KIF14: variants seen among roughly 807,000 people sequenced by gnomAD.
The protein encoded by KIF14 is kinesin family member 14, also known as kinesin-like protein KIF14.
In KIF14, 98 loss-of-function variants were observed where a neutral mutation model predicts 176.2. The ratio of observed to expected loss-of-function variants is 0.56; its 90% CI spans 0.47 to 0.66. The LOEUF is 0.66. Among genes scored for constraint, KIF14 ranks in the 30% least tolerant of loss-of-function variants. The pLI is 0.00. For missense variants in KIF14, 1,751 were observed against 1,920.4 expected (o/e 0.91, Z 1.65); for synonymous variants, 566 against 632.2 (o/e 0.90, Z 1.57).
intron 29 of KIF14, 71 bp from the exon 30 acceptor site, chr1:200,553,838 G>T: frequency 7.1e-7 from 1 of 1,400,700 alleles, no homozygotes; most frequent in Non-Finnish European, 9.7e-7. Context: ...GACTTTTATA[G>T]ACTCTAGATA....
rs1228144014 is a variant in KIF14 at position 200,552,172 on chromosome 1, T to C, written c.*1216A>G. On this transcript the variant is annotated 3_prime_UTR_variant, in exon 30 of 30. Coordinates refer to ENST00000367350, the MANE Select transcript of KIF14 (RefSeq NM_014875.3). ...TGAATTCTTCTTTTTTTTTCTTCTTTTTTTTTAAATGAATTATTCTTTAGG... is the reference window on the plus strand; with the variant it reads ...TGAATTCTTCTTTTTTTTTCTTCTTCTTTTTTAAATGAATTATTCTTTAGG... 1.3e-5 allele frequency: 2 copies of C among 152,134 alleles called. No individual in the cohort carries two copies. The highest frequency in any genetic ancestry group is 4.1e-4 in the South Asian group (2 of 4,822). 9.4% of individuals were successfully genotyped at this position (152,134 alleles called of 1,614,324 possible).
At chr1:200,584,142 C>T (rs1658610759) in intron 19 of KIF14, among the ~76,000 whole-genome samples, 1 of 146,150 alleles carries the variant, frequency 6.8e-6, no homozygotes, top group Non-Finnish European at 1.5e-5. Context: ...CACTTGAACC[C>T]GGGAGGCGGA....
rs759301000 is a variant in KIF14, at chr1:200,605,280, T to G, written c.1746+3A>C. The G allele has an allele frequency of 2.5e-6, 4 of 1,606,196 alleles. No individual in the cohort carries two copies. The highest frequency in any genetic ancestry group is 3.4e-6 in the Non-Finnish European group (4 of 1,174,338). On this transcript the variant is annotated splice_donor_region_variant and intron_variant, in intron 8 of 29. Coordinates refer to ENST00000367350, the MANE Select transcript of KIF14 (RefSeq NM_014875.3). ...AGAGATCGGGAACTTTTAAAAAAAA[T>G]ACCTTGGTCTGGGTCATCACCAGGG...
rs113878682 is a variant in KIF14, at chr1:200,617,021, G to A, written c.1112+591C>T. Among the ~76,000 whole-genome samples, 6 of 152,316 alleles carry A rather than the reference G, an allele frequency of 3.9e-5. 1 individual carries two copies. The highest frequency in any genetic ancestry group is 1.4e-4 in the African/African-American group (6 of 41,576). ...CTCGTTCTGTCGCCCAGGCTGGAGT[G>A]CAGTGGCCTGATGTCAGCTCAATGC... On this transcript the variant is annotated intron_variant, in intron 2 of 29. Coordinates refer to ENST00000367350, the MANE Select transcript of KIF14 (RefSeq NM_014875.3).
intron 18 of KIF14, among the ~76,000 whole-genome samples, chr1:200,586,451 ACGTTTTATTAAGC>A (rs1425987794): frequency 2.6e-5 from 4 of 152,200 alleles, no homozygotes; most frequent in Non-Finnish European, 5.9e-5. Flanking sequence ...ATTTTACAGT[ACGTTTTATTAAGC>A]CTATATAGTT....
chr1:200,616,371 T>C (rs1190112342), intron 2 of KIF14, among the ~76,000 whole-genome samples: 1 of 152,188 alleles, frequency 6.6e-6, no homozygotes, highest in Non-Finnish European at 1.5e-5. Context: ...CTTGGTCCCT[T>C]ACTAAGTTCA....
At chr1:200,575,489 TA>T (rs1342681138) in intron 22 of KIF14, 101 bp downstream of exon 22, 9 of 525,960 alleles carry the variant, frequency 1.7e-5, no homozygotes, top group South Asian at 1.2e-4. Context: ...ACGGTTCTTT[TA>T]AAATAGGAAA....
chr1:200,603,433 T>C, intron 9 of KIF14, 92 bp from the exon 10 acceptor site: 1 of 670,878 alleles, frequency 1.5e-6, no homozygotes, highest in Non-Finnish European at 2.6e-6. Context: ...ATATAATTAC[T>C]GAGTAAATAC....
Position 200,590,289 on chromosome 1 carries a change from T to C in KIF14, c.2814-17A>G. 3 of 1,606,076 alleles carry C rather than the reference T, an allele frequency of 1.9e-6. No individual in the cohort carries two copies. The highest frequency in any genetic ancestry group is 2.5e-6 in the Non-Finnish European group (3 of 1,176,586). On this transcript the variant is annotated splice_polypyrimidine_tract_variant and intron_variant, in intron 16 of 29. Transcript: ENST00000367350. ...GCTTCAAGTCTACAATGTAGCAAGA[T>C]GTTTATAGGGTACATGTTAAGAATT...
At position 200,617,692 on chromosome 1, in the gene KIF14, G is replaced by A. The variant is rs1475317435; in HGVS notation, c.1032C>T (p.Asn344=). ...TTAAGGGGTCTTTTCCTGCAGAGGTGTTCTGAACTACAGTTTCTTCTTCGG... is the reference window on the plus strand; with the variant it reads ...TTAAGGGGTCTTTTCCTGCAGAGGTATTCTGAACTACAGTTTCTTCTTCGG... ...ILPEEETVVQ[N]TSAGKDPLKV... Residue 344 remains asparagine (N), a synonymous_variant, in exon 2 of 30, where the codon AAC becomes AAT. Coordinates refer to ENST00000367350, the MANE Select transcript of KIF14 (RefSeq NM_014875.3). 6.2e-7 allele frequency: 1 copy of A among 1,614,160 alleles called. No individual in the cohort carries two copies. Among genetic ancestry groups the A allele is most frequent in the Non-Finnish European group, 8.5e-7 (1 of 1,180,014 alleles).
intron 14 of KIF14, among the ~76,000 whole-genome samples, chr1:200,594,368 CAAAAAA>C (rs371729211): frequency 7.7e-4 from 71 of 92,490 alleles, no homozygotes; most frequent in African/African-American, 2.4e-3. Context: ...CCCAAAAATT[CAAAAAA>C]AAAAAAAAAA....
chr1:200,583,082 A>C (rs2102660854), intron 19 of KIF14, among the ~76,000 whole-genome samples: 1 of 152,308 alleles, frequency 6.6e-6, no homozygotes. Flanking sequence ...AAAACTCTAC[A>C]GGACAAATCA....
Position 200,614,369 on chromosome 1 carries a change from TG to T in KIF14, c.1403del (p.Pro468GlnfsTer11). The T allele has an allele frequency of 6.2e-7, 1 of 1,609,298 alleles. No homozygotes were observed. The highest frequency in any genetic ancestry group is 8.5e-7 in the Non-Finnish European group (1 of 1,176,096). ...MGFSEEPGII[P>X]RFCEDLFSQV... ...GAGAAAAAAGATCTTCACAAAATCT[TG>T]GAATTATTCCTGGTTCTTCACTAAA... On this transcript the variant is annotated frameshift_variant, in exon 4 of 30. Transcript: ENST00000367350. LOFTEE classifies it high-confidence loss of function.
chr1:200,579,252 T>C (rs1658310282), intron 21 of KIF14, among the ~76,000 whole-genome samples: 1 of 152,044 alleles, frequency 6.6e-6, no homozygotes, highest in Non-Finnish European at 1.5e-5. Flanking sequence ...GAGGACTGCT[T>C]GAGGCCAGGA....
intron 21 of KIF14, among the ~76,000 whole-genome samples, chr1:200,579,653 C>T (rs1049781528): frequency 6.6e-6 from 1 of 151,820 alleles, no homozygotes; most frequent in Non-Finnish European, 1.5e-5. Context: ...AAACTGGTAA[C>T]ATTGGTAAAA....
chr1:200,598,559 T>C (rs142098720), intron 13 of KIF14, 138 bp from the exon 14 acceptor site: 9 of 548,964 alleles, frequency 1.6e-5, no homozygotes, highest in Non-Finnish European at 2.6e-5. Flanking sequence ...TTATTTATTT[T>C]TTTATTTTTA....
intron 21 of KIF14, among the ~76,000 whole-genome samples, chr1:200,578,190 CAA>C (rs1177103909): frequency 6.6e-6 from 1 of 152,060 alleles, no homozygotes; most frequent in Non-Finnish European, 1.5e-5. Context: ...TTTCAAAGAA[CAA>C]GAGCTTATAT....
rs575712059 is a variant in KIF14 at position 200,602,398 on chromosome 1, C to T, written c.1980-330G>A. Reference sequence around the variant, plus strand: ...TTTGTATTTCCAGTGCTACCACAACCTTTTGAAGCAGGTGCTCAATAAATG... The same window carrying T: ...TTTGTATTTCCAGTGCTACCACAACTTTTTGAAGCAGGTGCTCAATAAATG... On this transcript the variant is annotated intron_variant, in intron 10 of 29. Transcript: ENST00000367350. Among the ~76,000 whole-genome samples the T allele has an allele frequency of 2.6e-5, 4 of 152,210 alleles. No individual in the cohort carries two copies. The East Asian group carries it at 7.7e-4, about 29-fold the overall frequency.
intron 23 of KIF14, among the ~76,000 whole-genome samples, chr1:200,567,876 C>T (rs1354533117): frequency 6.6e-6 from 1 of 151,304 alleles, no homozygotes; most frequent in African/African-American, 2.4e-5. Flanking sequence ...AAACCCAAAG[C>T]TACAGTAGGG....
Sources: gnomAD v4.1 joint callset for allele counts (sites outside exome capture counted in the v4.1 genomes callset) on GRCh38, gnomAD v4.1.1 for gene constraint, MANE v1.5 for transcripts, NCBI Gene and HGNC (gene_info 2026-07-23, HGNC 2026-07-21) for gene names.